The following DYNC2I1 variants were observed in gnomAD, a reference collection of about 807,000 sequenced individuals.
The protein encoded by DYNC2I1 is cytoplasmic dynein 2 intermediate chain 1.
DYNC2I1 carries 89 observed loss-of-function variants against 133.4 expected under a neutral mutation model. The observed-to-expected ratio is 0.67, with a 90% CI of 0.56 to 0.80. The LOEUF (loss-of-function observed/expected upper bound fraction) is 0.80, where lower values mean the gene tolerates loss of function less well. DYNC2I1 is among the 30% of genes least tolerant of loss of function. DYNC2I1 has a pLI of 0.00. For missense variants in DYNC2I1, 1,291 were observed against 1,314.5 expected (o/e 0.98, Z 0.28); for synonymous variants, 504 against 484.3 (o/e 1.04, Z -0.54).
At chr7:158,863,986 C>A (rs1426011517) in intron 1 of DYNC2I1, among the ~76,000 whole-genome samples, 1 of 118,768 alleles carries the variant, frequency 8.4e-6, no homozygotes, top group Non-Finnish European at 1.7e-5. Flanking sequence ...GGGAGCAGGA[C>A]GTCCTTAGCT....
chr7:158,884,683 A>G, intron 6 of DYNC2I1, 64 bp downstream of exon 6: 2 of 1,559,020 alleles, frequency 1.3e-6, no homozygotes, highest in Non-Finnish European at 8.8e-7. Flanking sequence ...GCTTCAGGGA[A>G]TTTTCTTATT....
intron 4 of DYNC2I1, among the ~76,000 whole-genome samples, chr7:158,952,328 G>A (rs1422410613): frequency 6.6e-6 from 1 of 152,138 alleles, no homozygotes; most frequent in Non-Finnish European, 1.5e-5. Flanking sequence ...TGTGTCCCAC[G>A]CAAGCTAAGG....
At chr7:158,845,363 CA>C in the DYNC2I1 span, among the ~76,000 whole-genome samples, 1 of 151,972 alleles carries the variant, frequency 6.6e-6, no homozygotes, top group East Asian at 1.9e-4. Flanking sequence ...AATCTGTAAT[CA>C]ATAAGTTGGC....
chr7:158,918,587 G>C (rs1287348434), intron 14 of DYNC2I1, among the ~76,000 whole-genome samples, 153 bp from the exon 15 acceptor site: 2 of 152,206 alleles, frequency 1.3e-5, no homozygotes, highest in African/African-American at 2.4e-5. Context: ...GTATTGAGCA[G>C]AAAGGACCGT....
At chr7:158,944,504 C>T (rs576976797) in intron 24 of DYNC2I1, among the ~76,000 whole-genome samples, 8 of 152,324 alleles carry the variant, frequency 5.3e-5, no homozygotes, top group Admixed American at 2.0e-4. Context: ...GCTTTACACA[C>T]GCAATTGAAT....
At chr7:158,869,285 T>C (rs1842674128) in intron 1 of DYNC2I1, among the ~76,000 whole-genome samples, 1 of 152,036 alleles carries the variant, frequency 6.6e-6, no homozygotes, top group Non-Finnish European at 1.5e-5. Flanking sequence ...GCATCTGCTG[T>C]GAGGGACCCT....
At chr7:158,938,119 C>CAA (rs1408184445) in intron 23 of DYNC2I1, among the ~76,000 whole-genome samples, 4 of 152,134 alleles carry the variant, frequency 2.6e-5, no homozygotes, top group African/African-American at 7.2e-5. Flanking sequence ...ATAGGAAGGT[C>CAA]AGAGAACATC....
chr7:158,857,691 C>G (rs1841422352), intron 1 of DYNC2I1, among the ~76,000 whole-genome samples: 3 of 151,756 alleles, frequency 2.0e-5, no homozygotes, highest in Non-Finnish European at 4.4e-5. Context: ...ATGTCCGCCA[C>G]CAAGCCCAGC....
intron 1 of DYNC2I1, among the ~76,000 whole-genome samples, chr7:158,859,056 C>T (rs890796972): frequency 7.2e-6 from 1 of 139,220 alleles, no homozygotes; most frequent in African/African-American, 2.7e-5. Context: ...AGTGCAGTGA[C>T]ACGCTCACAG....
chr7:158,889,432 A>G (rs1585046622), intron 7 of DYNC2I1, among the ~76,000 whole-genome samples: 1 of 152,132 alleles, frequency 6.6e-6, no homozygotes. Context: ...TTTGGACGAT[A>G]TAGATCTACC....
At chr7:158,934,694 C>T (rs1850574560) in intron 23 of DYNC2I1, 145 bp downstream of exon 23, 3 of 780,012 alleles carry the variant, frequency 3.8e-6, no homozygotes, top group Non-Finnish European at 3.9e-6. Context: ...GACCCTCCCA[C>T]CTCAGCCTCC....
At chr7:158,879,264 C>T (rs1304356186) in intron 4 of DYNC2I1, among the ~76,000 whole-genome samples, 1 of 151,976 alleles carries the variant, frequency 6.6e-6, no homozygotes, top group Non-Finnish European at 1.5e-5. Flanking sequence ...AGTGGTAGTT[C>T]TGTAAGTTTT....
chr7:158,876,561 G>C (rs982717686), intron 3 of DYNC2I1, 48 bp from the exon 4 acceptor site: 2 of 1,509,236 alleles, frequency 1.3e-6, no homozygotes, highest in Non-Finnish European at 1.8e-6. Context: ...AGAGTTTTTT[G>C]ATGTGCTAAC....
chr7:158,888,848 A>C (rs1162028339), intron 7 of DYNC2I1, among the ~76,000 whole-genome samples: 1 of 151,988 alleles, frequency 6.6e-6, no homozygotes, highest in African/African-American at 2.4e-5. Context: ...GTCATACAGC[A>C]CCTGTTGTTT....
intron 17 of DYNC2I1, 142 bp downstream of exon 17, chr7:158,923,875 G>T: frequency 9.6e-7 from 1 of 1,043,488 alleles, no homozygotes; most frequent in Non-Finnish European, 1.3e-6. Context: ...AGAGGCATTT[G>T]ATAAATACAA....
At chr7:158,863,623 GT>G (rs1240546619) in intron 1 of DYNC2I1, among the ~76,000 whole-genome samples, 1 of 93,046 alleles carries the variant, frequency 1.1e-5, no homozygotes, top group African/African-American at 4.3e-5. Flanking sequence ...CTCCGGGTGT[GT>G]TTGGGGGGGG....
rs866425729 is a variant in DYNC2I1 at position 158,923,679 on chromosome 7, T to A, written c.2203T>A (p.Ser735Thr). The change falls in exon 17 of 25, where the codon TCT (serine) becomes ACT (threonine). Residue 735 changes from serine (S) to threonine (T), a missense_variant. By Grantham distance (58) the Ser-to-Thr change is moderately conservative (BLOSUM62 1). Transcript: ENST00000407559. ...GAGAGAAGACTCAAGGCTGCATTAC[T>A]CTGTGACGCTGAGCGATGGCTTCTG... ...DLREDSRLHY[S>T]VTLSDGFWTF... is the part of the protein sequence containing the mutation. The A allele has an allele frequency of 1.9e-6, 3 of 1,613,884 alleles. No individual in the cohort carries two copies. Among genetic ancestry groups the A allele is most frequent in the Non-Finnish European group, 2.5e-6 (3 of 1,179,904 alleles).
chr7:158,840,810 C>A, the DYNC2I1 span, among the ~76,000 whole-genome samples: 9 of 152,126 alleles, frequency 5.9e-5, no homozygotes, highest in Admixed American at 5.9e-4. Flanking sequence ...GAAGCCTGCT[C>A]CAGGACGACA....
chr7:158,884,788 T>A (rs1474931638), intron 6 of DYNC2I1, among the ~76,000 whole-genome samples, 169 bp downstream of exon 6: 1 of 152,206 alleles, frequency 6.6e-6, no homozygotes, highest in Non-Finnish European at 1.5e-5. Flanking sequence ...GGTTGGTAGG[T>A]TTTTGGAATA....
Sources: gnomAD v4.1 joint callset for allele counts (sites outside exome capture counted in the v4.1 genomes callset) on GRCh38, gnomAD v4.1.1 for gene constraint, MANE v1.5 for transcripts, NCBI Gene and HGNC (gene_info 2026-07-23, HGNC 2026-07-21) for gene names.